FAM149B1: variants seen among roughly 807,000 people sequenced by gnomAD.
FAM149B1 encodes the protein family with sequence similarity 149 member B1.
A neutral mutation model predicts 75.3 loss-of-function variants in FAM149B1; 56 were observed. That is an observed-to-expected ratio of 0.74 (90% confidence interval 0.60 to 0.93). FAM149B1 has a LOEUF of 0.93. Ranked by LOEUF, FAM149B1 falls within the 40% of genes least tolerant of loss-of-function variation. The pLI is 0.00. For synonymous variants in FAM149B1, 259 were observed against 256.1 expected, an observed-to-expected ratio of 1.01 and a Z score of -0.11; for missense variants, 639 against 708.4, an observed-to-expected ratio of 0.90 and a Z score of 1.11.
chr10:73,192,475 C>A, intron 3 of FAM149B1, 81 bp from the exon 4 acceptor site: 1 of 1,357,230 alleles, frequency 7.4e-7, no homozygotes, highest in African/African-American at 1.5e-5. Context: ...CAAAACAAGT[C>A]TTACTGCTTT....
chr10:73,168,645 C>T (rs989046506), intron 1 of FAM149B1, among the ~76,000 whole-genome samples: 2 of 152,232 alleles, frequency 1.3e-5, no homozygotes, highest in Non-Finnish European at 2.9e-5. Context: ...CTTCAGGTCC[C>T]ATTGTTAATG....
At chr10:73,184,402 T>G (rs1439339474) in intron 3 of FAM149B1, among the ~76,000 whole-genome samples, 2 of 151,986 alleles carry the variant, frequency 1.3e-5, no homozygotes, top group African/African-American at 4.8e-5. Flanking sequence ...TACCCCACTC[T>G]CAATACTTGT....
chr10:73,178,500 A>AAAC (rs1272459340), intron 3 of FAM149B1, among the ~76,000 whole-genome samples: 2 of 152,098 alleles, frequency 1.3e-5, no homozygotes, highest in African/African-American at 4.8e-5. Flanking sequence ...AAAAAAAAAA[A>AAAC]AACAACAACA....
intron 5 of FAM149B1, among the ~76,000 whole-genome samples, chr10:73,195,245 C>T (rs1186471531): frequency 1.3e-5 from 2 of 152,122 alleles, no homozygotes; most frequent in Admixed American, 6.6e-5. Flanking sequence ...TCTCACCAGA[C>T]CACAAAGTGA....
chr10:73,225,316 A>G (rs561976891), intron 7 of FAM149B1, among the ~76,000 whole-genome samples: 58 of 152,326 alleles, frequency 3.8e-4, no homozygotes, highest in Middle Eastern at 6.8e-3. Context: ...GTGTTACACA[A>G]CCTTTGAAGA....
At chr10:73,227,127 GC>G (rs2043571061) in intron 7 of FAM149B1, among the ~76,000 whole-genome samples, 1 of 152,060 alleles carries the variant, frequency 6.6e-6, no homozygotes, top group South Asian at 2.1e-4. Flanking sequence ...TCACTCTGTT[GC>G]CCAGGCTGGA....
intron 8 of FAM149B1, 132 bp downstream of exon 8, chr10:73,228,316 A>C (rs2043603630): frequency 1.4e-6 from 1 of 701,338 alleles, no homozygotes; most frequent in African/African-American, 1.8e-5. Context: ...TTATCATAAT[A>C]ATCCAGTGAC....
chr10:73,236,704 A>G (rs1589196725), intron 12 of FAM149B1, among the ~76,000 whole-genome samples: 1 of 139,212 alleles, frequency 7.2e-6, no homozygotes, highest in South Asian at 2.3e-4. Context: ...GAGCCACTGT[A>G]CCCGGCCTTT....
intron 1 of FAM149B1, 150 bp from the exon 2 acceptor site, chr10:73,174,537 C>A: frequency 1.8e-6 from 1 of 543,574 alleles, no homozygotes; most frequent in Non-Finnish European, 3.3e-6. Flanking sequence ...AAACACAATT[C>A]TGACTAGCCA....
chr10:73,170,131 C>G (rs775060660), intron 1 of FAM149B1, among the ~76,000 whole-genome samples: 1 of 152,074 alleles, frequency 6.6e-6, no homozygotes, highest in Non-Finnish European at 1.5e-5. Flanking sequence ...AGGCTGTCTT[C>G]TAGCCACGTG....
intron 7 of FAM149B1, among the ~76,000 whole-genome samples, chr10:73,218,944 T>C (rs2043350557): frequency 6.6e-6 from 1 of 152,164 alleles, no homozygotes; most frequent in Non-Finnish European, 1.5e-5. Flanking sequence ...ACTTACAAGT[T>C]GTGCTTTCTA....
chr10:73,232,016 T>G (rs1387921520), intron 9 of FAM149B1, among the ~76,000 whole-genome samples: 1 of 151,540 alleles, frequency 6.6e-6, no homozygotes, highest in Non-Finnish European at 1.5e-5. Context: ...ATGGGCAGCA[T>G]CCCTTCAAAG....
At chr10:73,206,862 C>T (rs528842037) in intron 5 of FAM149B1, among the ~76,000 whole-genome samples, 67 of 152,280 alleles carry the variant, frequency 4.4e-4, no homozygotes, top group Admixed American at 3.1e-3. Context: ...TTGCGGTGAG[C>T]TGAGATCACG....
At chr10:73,230,974 A>C (rs2043681037) in intron 9 of FAM149B1, 1 of 154,034 alleles carries the variant, frequency 6.5e-6, no homozygotes, top group Middle Eastern at 3.1e-3. Context: ...CACTTTTGAC[A>C]TAGAAGAACG....
In FAM149B1 at chr10:73,243,485, T is replaced by A. The variant is rs775044935; in HGVS notation, c.*2466T>A. ...CTTTGCTTCCATCTGAGCCAGAAAA[T>A]TGTCCATTTCCTTTTGCCGATCCTT... On this transcript the variant is annotated 3_prime_UTR_variant, in exon 14 of 14. Coordinates refer to ENST00000242505, the MANE Select transcript of FAM149B1 (RefSeq NM_173348.2). 1.2e-6 allele frequency: 2 copies of A among 1,614,158 alleles called. No homozygotes were observed. The highest frequency in any genetic ancestry group is 8.5e-7 in the Non-Finnish European group (1 of 1,180,028).
Position 73,243,915 on chromosome 10 carries a change from G to A in FAM149B1, c.*2896G>A. 1 of 1,613,906 alleles carries A rather than the reference G, an allele frequency of 6.2e-7. No homozygotes were observed. The highest frequency in any genetic ancestry group is 2.2e-5 in the East Asian group (1 of 44,858). On this transcript the variant is annotated 3_prime_UTR_variant, in exon 14 of 14. Coordinates refer to ENST00000242505, the MANE Select transcript of FAM149B1 (RefSeq NM_173348.2). Reference sequence around the variant, plus strand: ...CCTTTCTGCTCATTTCTGCTTCTTTGGCCTCTTCCTGAGCCTGAAACAGGA... The same window carrying A: ...CCTTTCTGCTCATTTCTGCTTCTTTAGCCTCTTCCTGAGCCTGAAACAGGA...
chr10:73,177,028 A>T (rs1177572894), intron 2 of FAM149B1, among the ~76,000 whole-genome samples: 6 of 151,774 alleles, frequency 4.0e-5, no homozygotes, highest in Non-Finnish European at 8.8e-5. Flanking sequence ...TCCATCTCAA[A>T]AAAACAAAAC....
intron 3 of FAM149B1, among the ~76,000 whole-genome samples, chr10:73,179,707 T>TA (rs1451548612): frequency 6.6e-6 from 1 of 152,100 alleles, no homozygotes; most frequent in Non-Finnish European, 1.5e-5. Flanking sequence ...GCTTTTTTTT[T>TA]AACAAAAAGC....
At chr10:73,182,373 C>G (rs923034832) in intron 3 of FAM149B1, among the ~76,000 whole-genome samples, 1 of 152,132 alleles carries the variant, frequency 6.6e-6, no homozygotes, top group Non-Finnish European at 1.5e-5. Context: ...CACCACCATG[C>G]CTGGCTAATT....
Sources: gnomAD v4.1 joint callset for allele counts (sites outside exome capture counted in the v4.1 genomes callset) on GRCh38, gnomAD v4.1.1 for gene constraint, MANE v1.5 for transcripts, NCBI Gene and HGNC (gene_info 2026-07-23, HGNC 2026-07-21) for gene names.